The following SOX5 variants were observed in gnomAD, a reference collection of about 807,000 sequenced individuals.
SOX5 encodes SRY-box transcription factor 5.
In SOX5, 9 loss-of-function variants were observed where a neutral mutation model predicts 92.0. The ratio of observed to expected loss-of-function variants is 0.10; its 90% confidence interval spans 0.06 to 0.17. SOX5 has a LOEUF of 0.17. SOX5 is among the 10% of genes least tolerant of loss of function. SOX5 has a pLI of 1.00. For synonymous variants in SOX5, 344 were observed against 336.3 expected, an observed-to-expected ratio of 1.02 and a Z score of -0.25; for missense variants, 642 against 944.5, an observed-to-expected ratio of 0.68 and a Z score of 4.20.
At chr12:24,440,387 C>A (rs935479602) in intron 1 of SOX5, among the ~76,000 whole-genome samples, 5 of 152,118 alleles carry the variant, frequency 3.3e-5, no homozygotes, top group African/African-American at 4.8e-5. Flanking sequence ...CCACAGGATC[C>A]GCAGATGACC....
intron 2 of SOX5, among the ~76,000 whole-genome samples, chr12:23,876,794 C>A (rs2096932074): frequency 6.6e-6 from 1 of 152,180 alleles, no homozygotes; most frequent in Admixed American, 6.5e-5. Context: ...CATATATACA[C>A]CATGGAATAC....
intron 3 of SOX5, among the ~76,000 whole-genome samples, chr12:24,229,725 T>C (rs1781431573): frequency 6.6e-6 from 1 of 152,206 alleles, no homozygotes; most frequent in Non-Finnish European, 1.5e-5. Context: ...TGCCAGCTAT[T>C]ACGCCTTGTG....
intron 4 of SOX5, among the ~76,000 whole-genome samples, chr12:24,161,864 C>T (rs1183890465): frequency 2.6e-5 from 4 of 152,158 alleles, no homozygotes; most frequent in South Asian, 4.1e-4. Flanking sequence ...TGTGTACATA[C>T]ACTTTCCTAA....
chr12:23,873,902 CA>C (rs2096900690), intron 2 of SOX5, among the ~76,000 whole-genome samples: 1 of 152,002 alleles, frequency 6.6e-6, no homozygotes, highest in Non-Finnish European at 1.5e-5. Flanking sequence ...AAAATTTTTC[CA>C]ATACTTTGAT....
intron 2 of SOX5, among the ~76,000 whole-genome samples, chr12:24,341,800 C>G (rs1952606124): frequency 6.6e-6 from 1 of 152,138 alleles, no homozygotes; most frequent in Non-Finnish European, 1.5e-5. Context: ...TCCACCCATG[C>G]AACACAGCCT....
rs115323572 is a variant in SOX5, at chr12:24,553,836, T to C, written c.-251+8493A>G. Reference sequence around the variant, plus strand: ...TCTCTAAAAATAAATAGAGGACCTATGAAATTTCTTTACATGCTGATAGAT... The same window carrying C: ...TCTCTAAAAATAAATAGAGGACCTACGAAATTTCTTTACATGCTGATAGAT... On this transcript the variant is annotated intron_variant, in intron 1 of 4. Coordinates refer to the SOX5 transcript ENST00000446891. 4.9e-3 allele frequency among the ~76,000 whole-genome samples: 749 copies of C among 152,354 alleles called. 3 individuals carry two copies. Among genetic ancestry groups the C allele is most frequent in the African/African-American group, 0.017 (706 of 41,582 alleles).
intron 3 of SOX5, among the ~76,000 whole-genome samples, chr12:23,802,494 AT>A (rs11313604): frequency 0.038 from 5,654 of 148,508 alleles, 137 homozygotes; most frequent in Middle Eastern, 0.062. Context: ...ATTCGTTGTA[AT>A]TTTTTTTTTT....
intron 3 of SOX5, among the ~76,000 whole-genome samples, chr12:23,791,860 A>C (rs1416320907): frequency 3.3e-5 from 5 of 152,034 alleles, no homozygotes; most frequent in East Asian, 1.9e-4. Flanking sequence ...ATTTCAAATA[A>C]AGTATTTGAA....
chr12:23,684,411 T>C (rs1239365003), intron 6 of SOX5, among the ~76,000 whole-genome samples: 3 of 152,018 alleles, frequency 2.0e-5, no homozygotes, highest in East Asian at 1.9e-4. Flanking sequence ...TCTATTGTCT[T>C]ACATAAAGGC....
intron 9 of SOX5, among the ~76,000 whole-genome samples, chr12:23,591,045 A>C (rs1390113783): frequency 6.6e-6 from 1 of 151,940 alleles, no homozygotes; most frequent in African/African-American, 2.4e-5. Flanking sequence ...TTTTTTAAAA[A>C]ATCTTATTTC....
chr12:24,216,838 G>T (rs1329933511), intron 3 of SOX5, among the ~76,000 whole-genome samples: 1 of 152,154 alleles, frequency 6.6e-6, no homozygotes, highest in Non-Finnish European at 1.5e-5. Context: ...TGAGGCCGGG[G>T]AATCACTTTT....
intron 2 of SOX5, among the ~76,000 whole-genome samples, chr12:23,874,843 C>T (rs1251737848): frequency 1.3e-5 from 2 of 152,160 alleles, no homozygotes; most frequent in Non-Finnish European, 1.5e-5. Context: ...CAGCAAAGTC[C>T]TCGATATCCT....
At chr12:24,160,000 T>C (rs1237629292) in intron 4 of SOX5, among the ~76,000 whole-genome samples, 4 of 151,884 alleles carry the variant, frequency 2.6e-5, no homozygotes, top group Non-Finnish European at 5.9e-5. Flanking sequence ...CAAATAACCA[T>C]TACATATAGA....
At chr12:24,518,858 C>T (rs1177438234) in intron 1 of SOX5, among the ~76,000 whole-genome samples, 1 of 152,130 alleles carries the variant, frequency 6.6e-6, no homozygotes, top group Non-Finnish European at 1.5e-5. Context: ...TGTTTTACTT[C>T]CTTAATATGA....
intron 3 of SOX5, among the ~76,000 whole-genome samples, chr12:23,764,301 C>T (rs978014947): frequency 1.3e-5 from 2 of 152,086 alleles, no homozygotes; most frequent in Non-Finnish European, 2.9e-5. Context: ...CCATATATTC[C>T]ATTTGAAATA....
intron 4 of SOX5, among the ~76,000 whole-genome samples, chr12:24,100,151 T>C (rs985354266): frequency 5.3e-5 from 8 of 152,098 alleles, no homozygotes; most frequent in African/African-American, 1.7e-4. Flanking sequence ...TCATGGAAAA[T>C]AGAATATCAA....
chr12:24,441,403 T>A (rs567246675), intron 1 of SOX5, among the ~76,000 whole-genome samples: 2 of 152,344 alleles, frequency 1.3e-5, no homozygotes, highest in African/African-American at 4.8e-5. Context: ...AATTCCTGAC[T>A]CTCCTTAAGT....
At chr12:24,412,311 T>C (rs957329138) in intron 1 of SOX5, among the ~76,000 whole-genome samples, 2 of 151,918 alleles carry the variant, frequency 1.3e-5, no homozygotes, top group Non-Finnish European at 2.9e-5. Context: ...TATTATTTCC[T>C]TCCTTCTGCT....
intron 6 of SOX5, among the ~76,000 whole-genome samples, chr12:23,707,127 C>T (rs1456731915): frequency 3.3e-5 from 5 of 151,984 alleles, no homozygotes; most frequent in Non-Finnish European, 5.9e-5. Context: ...AGTTACAGGA[C>T]CAGGTTTAAG....
Sources: gnomAD v4.1 joint callset for allele counts (sites outside exome capture counted in the v4.1 genomes callset) on GRCh38, gnomAD v4.1.1 for gene constraint, MANE v1.5 for transcripts, NCBI Gene and HGNC (gene_info 2026-07-23, HGNC 2026-07-21) for gene names.